Variants in RTTN observed in about 807,000 individuals in gnomAD.
The protein encoded by RTTN is rotatin.
In RTTN, 182 loss-of-function variants were observed where a neutral mutation model predicts 269.2. The ratio of observed to expected loss-of-function variants is 0.68; its 90% CI spans 0.60 to 0.76. The LOEUF (loss-of-function observed/expected upper bound fraction) is 0.76, where lower values mean the gene tolerates loss of function less well. Among genes scored for constraint, RTTN ranks in the 30% least tolerant of loss-of-function variants. RTTN has a pLI of 0.00. For synonymous variants in RTTN, 1,006 were observed against 963.5 expected (o/e 1.04, Z -0.82); for missense variants, 2,545 against 2,608.6 (o/e 0.98, Z 0.53).
At position 70,109,557 on chromosome 18, in the gene RTTN, G is replaced by T. The variant is rs756425321; in HGVS notation, c.3844C>A (p.His1282Asn). ...NLTAFPGWSSHSPLTKPLDIC... is the reference protein window; with the variant it reads ...NLTAFPGWSSNSPLTKPLDIC... ...TCTAGAGGCTTTGTGAGAGGAGAGTGTGAGCTCCATCCCGGAAACGCAGTG... is the reference window on the plus strand; with the variant it reads ...TCTAGAGGCTTTGTGAGAGGAGAGTTTGAGCTCCATCCCGGAAACGCAGTG... The change falls in exon 28 of 49, where the codon CAC becomes AAC. Residue 1282 changes from histidine (H) to asparagine (N), a missense_variant. Physicochemically the swap from His to Asn is moderately conservative, Grantham distance 68 (BLOSUM62 1). Transcript: ENST00000640769. 6.2e-7 allele frequency: 1 copy of T among 1,614,102 alleles called. No homozygotes were observed. Among genetic ancestry groups the T allele is most frequent in the Non-Finnish European group, 8.5e-7 (1 of 1,180,026 alleles).
chr18:70,179,121 AAAGC>A (rs1250446501), intron 10 of RTTN, among the ~76,000 whole-genome samples: 2 of 152,234 alleles, frequency 1.3e-5, no homozygotes, highest in African/African-American at 2.4e-5. Context: ...ATAAAACTAA[AAAGC>A]AATAAATATT....
intron 28 of RTTN, among the ~76,000 whole-genome samples, chr18:70,107,601 A>G (rs953479313): frequency 6.6e-6 from 1 of 152,268 alleles, no homozygotes; most frequent in Non-Finnish European, 1.5e-5. Flanking sequence ...AAGACTTTTA[A>G]AAAAATCAAT....
At chr18:70,080,265 T>C (rs764486857) in intron 32 of RTTN, among the ~76,000 whole-genome samples, 3 of 152,214 alleles carry the variant, frequency 2.0e-5, no homozygotes, top group Non-Finnish European at 4.4e-5. Context: ...CCAGGAACAA[T>C]GAATACATCT....
intron 14 of RTTN, among the ~76,000 whole-genome samples, chr18:70,156,347 A>G (rs2060675652): frequency 6.6e-6 from 1 of 152,186 alleles, no homozygotes; most frequent in Non-Finnish European, 1.5e-5. Context: ...TAGCGCTCCC[A>G]GGCTTACTAG....
chr18:70,155,674 C>A (rs138864837), intron 14 of RTTN, among the ~76,000 whole-genome samples: 11 of 152,212 alleles, frequency 7.2e-5, no homozygotes, highest in Non-Finnish European at 1.5e-4. Flanking sequence ...CCCAGAGGGT[C>A]TGGCGCAGTA....
rs1322769205 is a variant in RTTN, at chr18:70,188,231, T to A, written c.1190-8A>T. On this transcript the variant is annotated splice_polypyrimidine_tract_variant and splice_region_variant and intron_variant, in intron 9 of 48. Transcript: ENST00000640769. ...TTATCACTTGTCTGCTACCTAGGAA[T>A]ACAAACAGAAAAAAGTAAAGGAGAA... 6.8e-7 allele frequency: 1 copy of A among 1,472,188 alleles called. No homozygotes were observed. The highest frequency in any genetic ancestry group is 1.7e-5 in the Admixed American group (1 of 57,658). 91.2% of individuals were successfully genotyped at this position (1,472,188 alleles called of 1,614,324 possible).
rs35439940 is a variant in RTTN at position 70,051,415 on chromosome 18, C to G, written c.5319G>C (p.Ala1773=). 16,870 of 1,600,708 alleles carry G rather than the reference C, an allele frequency of 0.011. 133 individuals are homozygous for G. Among genetic ancestry groups the G allele is most frequent in the Middle Eastern group, 0.022 (130 of 5,996 alleles). ...ATTATGCAAGTATCTTCTTACCAATCGCCGCTGTCCAGTGCTTGGCCAGGG... is the reference window on the plus strand; with the variant it reads ...ATTATGCAAGTATCTTCTTACCAATGGCCGCTGTCCAGTGCTTGGCCAGGG... ...TVALAKHWTA[A]IDMFCTCAGL... The change falls in exon 39 of 49, where the codon GCG becomes GCC. Residue 1773 remains alanine (A), a synonymous_variant. Coordinates refer to ENST00000640769, the MANE Select transcript of RTTN (RefSeq NM_173630.4).
chr18:70,042,361 A>ATTTT (rs2057366039), intron 40 of RTTN, among the ~76,000 whole-genome samples: 1 of 112,528 alleles, frequency 8.9e-6, no homozygotes, highest in African/African-American at 3.5e-5. Context: ...GGGCTTTGGA[A>ATTTT]TTTTCTTTTT....
chr18:70,150,470 C>T, intron 15 of RTTN, 138 bp downstream of exon 15: 1 of 751,498 alleles, frequency 1.3e-6, no homozygotes. Flanking sequence ...TTAAATAACA[C>T]TTCAACTGAA....
intron 28 of RTTN, among the ~76,000 whole-genome samples, chr18:70,105,574 C>T (rs1031537027): frequency 3.9e-5 from 6 of 152,190 alleles, no homozygotes; most frequent in African/African-American, 7.2e-5. Flanking sequence ...TTCTGCGTCG[C>T]TCATGCTGGG....
At chr18:70,021,693 C>A (rs1385128656) in intron 44 of RTTN, among the ~76,000 whole-genome samples, 1 of 152,182 alleles carries the variant, frequency 6.6e-6, no homozygotes, top group Non-Finnish European at 1.5e-5. Flanking sequence ...GCTTCAATGA[C>A]AGTTCAAGTT....
intron 10 of RTTN, among the ~76,000 whole-genome samples, chr18:70,181,706 C>T (rs1188422903): frequency 1.3e-5 from 2 of 152,134 alleles, no homozygotes; most frequent in Non-Finnish European, 2.9e-5. Flanking sequence ...AAAAATACTG[C>T]TTCCGTCTTT....
At chr18:70,182,030 T>C (rs533319917) in intron 10 of RTTN, among the ~76,000 whole-genome samples, 78 of 152,148 alleles carry the variant, frequency 5.1e-4, no homozygotes, top group Admixed American at 1.8e-3. Flanking sequence ...AAACAACTGA[T>C]AAAGCATTCC....
intron 10 of RTTN, 118 bp downstream of exon 10, chr18:70,187,990 T>C (rs2061584780): frequency 6.3e-6 from 4 of 639,446 alleles, no homozygotes; most frequent in Non-Finnish European, 8.3e-6. Flanking sequence ...GCCTGGGACA[T>C]ATTGAGTCAA....
chr18:70,161,103 TGGGGC>T (rs2060817148), intron 14 of RTTN, among the ~76,000 whole-genome samples: 2 of 152,014 alleles, frequency 1.3e-5, no homozygotes, highest in Non-Finnish European at 2.9e-5. Context: ...AACTATACTA[TGGGGC>T]TACAGTAACC....
intron 12 of RTTN, 32 bp from the exon 13 acceptor site, chr18:70,167,063 T>A (rs751399709): frequency 2.8e-5 from 40 of 1,418,356 alleles, no homozygotes; most frequent in Non-Finnish European, 1.0e-6. Flanking sequence ...ACAATAAATG[T>A]CAAGTTCATG....
intron 26 of RTTN, among the ~76,000 whole-genome samples, chr18:70,116,098 A>G (rs1398457493): frequency 2.0e-5 from 3 of 152,002 alleles, no homozygotes; most frequent in Non-Finnish European, 4.4e-5. Context: ...CGAAATACAC[A>G]TTTAGTAAAT....
At chr18:70,106,696 G>GA (rs528432150) in intron 28 of RTTN, among the ~76,000 whole-genome samples, 8 of 148,744 alleles carry the variant, frequency 5.4e-5, no homozygotes, top group South Asian at 2.1e-4. Flanking sequence ...TTATGCTCTT[G>GA]AAAAAAAAAG....
At chr18:70,199,381 C>T (rs757419971) in intron 5 of RTTN, 33 bp downstream of exon 5, 18 of 1,472,922 alleles carry the variant, frequency 1.2e-5, no homozygotes, top group Middle Eastern at 1.7e-4. Context: ...TATAAGTGAA[C>T]AAAAATACCT....
Sources: gnomAD v4.1 joint callset for allele counts (sites outside exome capture counted in the v4.1 genomes callset) on GRCh38, gnomAD v4.1.1 for gene constraint, MANE v1.5 for transcripts, NCBI Gene and HGNC (gene_info 2026-07-23, HGNC 2026-07-21) for gene names.